The following AGO2 variants were observed in gnomAD, a reference collection of about 807,000 sequenced individuals.
AGO2 encodes the protein argonaute RISC catalytic component 2.
Under a neutral mutation model 102.3 loss-of-function variants are expected in AGO2, and 5 were observed. The ratio of observed to expected loss-of-function variants is 0.05; its 90% CI spans 0.03 to 0.10. The LOEUF (loss-of-function observed/expected upper bound fraction) is 0.10, where lower values mean the gene tolerates loss of function less well. Among genes scored for constraint, AGO2 ranks in the 10% least tolerant of loss-of-function variants. The pLI is 1.00. For synonymous variants in AGO2, 449 were observed against 473.1 expected (o/e 0.95, Z 0.66); for missense variants, 541 against 1,183.7 (o/e 0.46, Z 7.97).
chr8:140,635,158 G>T (rs1279588529), intron 1 of AGO2, among the ~76,000 whole-genome samples: 1 of 146,020 alleles, frequency 6.8e-6, no homozygotes, highest in African/African-American at 2.5e-5. Context: ...CCCAGCCCGC[G>T]GGCCCCGGGC....
At chr8:140,610,943 CAATTT>C (rs1206079855) in intron 1 of AGO2, among the ~76,000 whole-genome samples, 1 of 152,214 alleles carries the variant, frequency 6.6e-6, no homozygotes, top group Non-Finnish European at 1.5e-5. Context: ...AATCATGATA[CAATTT>C]AATTAAAGTG....
rs562263431 is a variant in AGO2, at chr8:140,540,889, G to A, written c.2034+275C>T. 1.2e-4 allele frequency among the ~76,000 whole-genome samples: 19 copies of A among 152,250 alleles called. No homozygotes were observed. The highest frequency in any genetic ancestry group is 4.3e-4 in the African/African-American group (18 of 41,550). On this transcript the variant is annotated intron_variant, in intron 15 of 18. Transcript: ENST00000220592. The surrounding 1 kb of genome is among the most constrained non-coding windows in gnomAD (Gnocchi z 5.0). ...ATGGAGCTCTGCTCTGCAAGTCAGC[G>A]GAACTCAAGCGTCTCTCCCCCATCT...
chr8:140,640,751 C>T, the AGO2 span, among the ~76,000 whole-genome samples: 2 of 151,868 alleles, frequency 1.3e-5, no homozygotes, highest in Non-Finnish European at 2.9e-5. Context: ...GAACTCCTGA[C>T]CTTGTGATCC....
Position 140,531,916 on chromosome 8 carries a change from A to C in AGO2, c.*128T>G, listed in dbSNP as rs2072602751. 2 of 817,080 alleles carry C rather than the reference A, an allele frequency of 2.4e-6. No individual in the cohort carries two copies. Among genetic ancestry groups the C allele is most frequent in the Admixed American group, 4.8e-5 (2 of 41,372 alleles). The allele number at this position is 817,080 out of a possible 1,614,324, so 50.6% of individuals were successfully genotyped here. The stretch of plus-strand genomic sequence containing the variant: ...CGGAAGGCATTCTGGAAAACGGAGA[A>C]TCTAATAAAATCAATGACGTCTCAT... On this transcript the variant is annotated 3_prime_UTR_variant, in exon 19 of 19. Transcript: ENST00000220592.
At chr8:140,615,328 G>C (rs925603257) in intron 1 of AGO2, among the ~76,000 whole-genome samples, 2 of 152,216 alleles carry the variant, frequency 1.3e-5, no homozygotes, top group Non-Finnish European at 2.9e-5. Context: ...CAGCCCCCTG[G>C]CCAGGCCTGT....
Position 140,566,813 on chromosome 8 carries a change from G to A in AGO2, c.337-4179C>T, listed in dbSNP as rs1366114391. ...GGGCATGGGGGGACAATTCCAGTACGGACTGGCAGCTACTGGGTCCCAACA... is the reference window on the plus strand; with the variant it reads ...GGGCATGGGGGGACAATTCCAGTACAGACTGGCAGCTACTGGGTCCCAACA... On this transcript the variant is annotated intron_variant, in intron 3 of 18. Transcript: ENST00000220592. Among the ~76,000 whole-genome samples the A allele has an allele frequency of 2.0e-5, 3 of 152,204 alleles. No individual in the cohort carries two copies. In the South Asian group the frequency reaches 6.2e-4, roughly 31 times the overall value.
chr8:140,595,851 T>TA lies in AGO2; in HGVS notation c.23-10541_23-10540insT, dbSNP rs1564106910. On this transcript the variant is annotated intron_variant, in intron 1 of 18. Transcript: ENST00000220592. ...ATTATATACAATTGTATATATTATATTTATATTATATACAATTGTATATTA... is the reference window on the plus strand; with the variant it reads ...ATTATATACAATTGTATATATTATATATTATATTATATACAATTGTATATTA... Among the ~76,000 whole-genome samples, 34 of 25,928 alleles carry TA rather than the reference T, an allele frequency of 1.3e-3. 1 individual carries two copies. The highest frequency in any genetic ancestry group is 1.7e-3 in the African/African-American group (8 of 4,662). 17.0% of individuals were successfully genotyped at this position (25,928 alleles called of 152,430 possible).
chr8:140,560,285 T>C (rs2073176809), intron 5 of AGO2, 89 bp downstream of exon 5: 2 of 1,541,344 alleles, frequency 1.3e-6, no homozygotes, highest in South Asian at 1.2e-5. Flanking sequence ...TGCGTGGAGC[T>C]GGCCACATGC....
At chr8:140,618,657 G>A (rs1043699922) in intron 1 of AGO2, among the ~76,000 whole-genome samples, 1 of 151,936 alleles carries the variant, frequency 6.6e-6, no homozygotes, top group African/African-American at 2.4e-5. Flanking sequence ...GTGAAAACCC[G>A]TCTCTACAAA....
At chr8:140,638,918 C>T (rs2074425925), upstream of AGO2, among the ~76,000 whole-genome samples, 1 of 152,140 alleles carries the variant, frequency 6.6e-6, no homozygotes, top group South Asian at 2.1e-4. Flanking sequence ...GGGTCTCACT[C>T]TATTGCCCAT....
chr8:140,609,318 C>G (rs777616569), intron 1 of AGO2, among the ~76,000 whole-genome samples: 1 of 152,222 alleles, frequency 6.6e-6, no homozygotes, highest in Non-Finnish European at 1.5e-5. Flanking sequence ...GCATCACACC[C>G]GGCAGAGCGG....
chr8:140,553,951 C>A (rs1179525221), intron 10 of AGO2, among the ~76,000 whole-genome samples: 7 of 152,244 alleles, frequency 4.6e-5, no homozygotes, highest in Non-Finnish European at 1.0e-4. Context: ...ATCCTCCTGC[C>A]TTGGCCTCCC....
chr8:140,564,174 C>T lies in AGO2; in HGVS notation c.337-1540G>A, dbSNP rs1410133206. On this transcript the variant is annotated intron_variant, in intron 3 of 18. Transcript: ENST00000220592. Reference sequence around the variant, plus strand: ...AGAAAAGCAGCAAGCCACAGAAGGGCGCCGCAGCACGATTCCTTCCAGACA... The same window carrying T: ...AGAAAAGCAGCAAGCCACAGAAGGGTGCCGCAGCACGATTCCTTCCAGACA... Among the ~76,000 whole-genome samples, 5 of 152,320 alleles carry T rather than the reference C, an allele frequency of 3.3e-5. No individual in the cohort carries two copies. In the East Asian group the frequency reaches 5.8e-4, roughly 18 times the overall value.
At chr8:140,628,612 G>C (rs1328849767) in intron 1 of AGO2, among the ~76,000 whole-genome samples, 1 of 151,008 alleles carries the variant, frequency 6.6e-6, no homozygotes, top group Non-Finnish European at 1.5e-5. Context: ...AGACCAGCCT[G>C]GGCAACATAG....
At chr8:140,551,496 A>T in intron 10 of AGO2, 60 bp from the exon 11 acceptor site, 1 of 1,412,500 alleles carries the variant, frequency 7.1e-7, no homozygotes, top group Non-Finnish European at 9.4e-7. Flanking sequence ...CTTCAACCTT[A>T]GACTTTGTCA....
chr8:140,565,927 C>A (rs1667031882), intron 3 of AGO2, among the ~76,000 whole-genome samples: 1 of 151,888 alleles, frequency 6.6e-6, no homozygotes, highest in Non-Finnish European at 1.5e-5. Flanking sequence ...CTCCCAGTTA[C>A]TCAGGAGGCT....
At chr8:140,538,033 T>C (rs2072727558) in intron 16 of AGO2, among the ~76,000 whole-genome samples, 2 of 152,164 alleles carry the variant, frequency 1.3e-5, no homozygotes, top group Admixed American at 1.3e-4. Flanking sequence ...TTGGCCAGGC[T>C]GGTCTCGGTC....
upstream of AGO2, among the ~76,000 whole-genome samples, chr8:140,639,412 C>T (rs1281307176): frequency 2.0e-5 from 3 of 148,566 alleles, no homozygotes; most frequent in East Asian, 2.0e-4. Context: ...ACCTGGGAGG[C>T]GGAGGTCGCA....
chr8:140,598,570 C>T (rs1244158749), intron 1 of AGO2, among the ~76,000 whole-genome samples: 5 of 152,208 alleles, frequency 3.3e-5, no homozygotes, highest in Admixed American at 1.3e-4. Context: ...GCGGCAGCAC[C>T]GCACCCCGGA....
Sources: gnomAD v4.1 joint callset for allele counts (sites outside exome capture counted in the v4.1 genomes callset) on GRCh38, gnomAD v4.1.1 for gene constraint, Gnocchi (gnomAD v3.1) non-coding constraint, MANE v1.5 for transcripts, NCBI Gene and HGNC (gene_info 2026-07-23, HGNC 2026-07-21) for gene names.